Variants in VPS13B observed in about 807,000 individuals in gnomAD.
VPS13B encodes the protein vacuolar protein sorting 13 homolog B.
A neutral mutation model predicts 426.4 loss-of-function variants in VPS13B; 285 were observed. The observed-to-expected ratio is 0.67, with a 90% CI of 0.61 to 0.74. VPS13B has a LOEUF of 0.74. Ranked by LOEUF, VPS13B falls within the 30% of genes least tolerant of loss-of-function variation. The pLI is 0.00. For synonymous variants in VPS13B, 1,676 were observed against 1,676.4 expected (o/e 1.00, Z 0.01); for missense variants, 4,537 against 4,782.6 (o/e 0.95, Z 1.51).
At chr8:99,096,267 A>T in intron 3 of VPS13B, 45 bp from the exon 4 acceptor site, 1 of 1,610,468 alleles carries the variant, frequency 6.2e-7, no homozygotes, top group Non-Finnish European at 8.5e-7. Context: ...TTAATTCTTG[A>T]GTATGATCGA....
At chr8:99,178,820 G>A (rs961564602) in intron 16 of VPS13B, among the ~76,000 whole-genome samples, 1 of 151,616 alleles carries the variant, frequency 6.6e-6, no homozygotes, top group African/African-American at 2.4e-5. Flanking sequence ...TGGGGTTTCC[G>A]CATGTTGGCC....
intron 39 of VPS13B, among the ~76,000 whole-genome samples, chr8:99,722,363 A>G (rs977698459): frequency 6.6e-6 from 1 of 152,162 alleles, no homozygotes; most frequent in Non-Finnish European, 1.5e-5. Context: ...AGCTCCTTAT[A>G]TGTCTTGATG....
chr8:99,369,034 C>G (rs1005537313), intron 19 of VPS13B, among the ~76,000 whole-genome samples: 4 of 152,168 alleles, frequency 2.6e-5, no homozygotes, highest in Admixed American at 6.5e-5. Context: ...TTCTTTAGGA[C>G]TCTGCTTAAA....
In VPS13B at chr8:99,868,464, T is replaced by C. The variant is rs1467186019; in HGVS notation, c.11391T>C (p.Tyr3797=). ...GAAELVSQTG[Y]GILHGAGLSQ... ...CTGAGCTGGTGTCACAGACTGGCTA[T>C]GGTAAGTCGGTGGAAAACCCATCAG... The change falls in exon 59 of 62, where the codon TAT becomes TAC. Residue 3797 remains tyrosine (Y), a splice_region_variant and synonymous_variant. Coordinates refer to ENST00000357162, the MANE Select transcript of VPS13B (RefSeq NM_152564.5). The C allele has an allele frequency of 6.2e-6, 10 of 1,609,624 alleles. No homozygotes were observed. In the East Asian group the frequency reaches 2.0e-4, roughly 32 times the overall value.
chr8:99,389,905 C>T (rs180857150), intron 20 of VPS13B, among the ~76,000 whole-genome samples: 1 of 151,972 alleles, frequency 6.6e-6, no homozygotes, highest in Non-Finnish European at 1.5e-5. Context: ...AGTCCACCCC[C>T]CCTCCTTATG....
chr8:99,027,622 T>G (rs192572491), intron 2 of VPS13B, among the ~76,000 whole-genome samples: 1 of 152,186 alleles, frequency 6.6e-6, no homozygotes, highest in African/African-American at 2.4e-5. Flanking sequence ...TTACTAGATA[T>G]GGTAATCTTG....
intron 19 of VPS13B, among the ~76,000 whole-genome samples, chr8:99,333,400 C>T (rs1160870568): frequency 6.6e-6 from 1 of 151,690 alleles, no homozygotes; most frequent in Non-Finnish European, 1.5e-5. Flanking sequence ...GTATCTTCTT[C>T]TCAGTTTTCC....
intron 45 of VPS13B, among the ~76,000 whole-genome samples, 172 bp from the exon 46 acceptor site, chr8:99,818,279 A>G (rs1051906612): frequency 1.2e-4 from 18 of 151,984 alleles, no homozygotes; most frequent in African/African-American, 4.4e-4. Context: ...CTCACTGCAC[A>G]TTTGCTTTCT....
chr8:99,400,923 C>T (rs936545386), intron 21 of VPS13B, among the ~76,000 whole-genome samples: 5 of 152,192 alleles, frequency 3.3e-5, no homozygotes, highest in Admixed American at 3.3e-4. Context: ...CCGTCCATCT[C>T]GGCCTCCCAA....
chr8:99,289,139 C>CTT (rs1686248099), intron 19 of VPS13B, among the ~76,000 whole-genome samples: 3 of 151,870 alleles, frequency 2.0e-5, no homozygotes, highest in Non-Finnish European at 2.9e-5. Flanking sequence ...CTCATGAAAT[C>CTT]TTTTTTTGTT....
At chr8:99,031,761 G>T (rs984929820) in intron 2 of VPS13B, among the ~76,000 whole-genome samples, 1 of 152,188 alleles carries the variant, frequency 6.6e-6, no homozygotes, top group Non-Finnish European at 1.5e-5. Context: ...TGCTAGGCAG[G>T]CTGGTCCTTA....
intron 19 of VPS13B, among the ~76,000 whole-genome samples, chr8:99,366,644 GT>G (rs1321375475): frequency 2.0e-5 from 3 of 148,658 alleles, no homozygotes; most frequent in African/African-American, 7.4e-5. Context: ...GTTTCTTATT[GT>G]TTTCTCAATT....
intron 17 of VPS13B, among the ~76,000 whole-genome samples, chr8:99,195,764 C>G (rs1306249374): frequency 6.6e-6 from 1 of 152,174 alleles, no homozygotes; most frequent in Non-Finnish European, 1.5e-5. Context: ...GATTCAATCT[C>G]ATTGTTCTGC....
At chr8:99,867,813 A>C (rs866955228) in intron 58 of VPS13B, among the ~76,000 whole-genome samples, 2 of 152,354 alleles carry the variant, frequency 1.3e-5, no homozygotes, top group Non-Finnish European at 2.9e-5. Flanking sequence ...TTAAGTATTA[A>C]TACTACTAAA....
chr8:99,227,584 C>CT (rs924247081), intron 17 of VPS13B, among the ~76,000 whole-genome samples: 19 of 151,472 alleles, frequency 1.3e-4, no homozygotes, highest in Non-Finnish European at 2.5e-4. Flanking sequence ...AAATGAGGTG[C>CT]TTTTTTTTGG....
At chr8:99,840,612 T>C (rs774130609) in intron 54 of VPS13B, among the ~76,000 whole-genome samples, 2 of 152,324 alleles carry the variant, frequency 1.3e-5, no homozygotes, top group South Asian at 4.1e-4. Context: ...ATCTAGCCCA[T>C]GTTTCTTAAA....
At chr8:99,485,800 G>A (rs1466699453) in intron 25 of VPS13B, among the ~76,000 whole-genome samples, 1 of 152,092 alleles carries the variant, frequency 6.6e-6, no homozygotes, top group Non-Finnish European at 1.5e-5. Context: ...GAAGCATAAA[G>A]GCTTTTGAAT....
chr8:99,597,200 C>G (rs911644297), intron 33 of VPS13B, among the ~76,000 whole-genome samples: 5 of 151,900 alleles, frequency 3.3e-5, no homozygotes, highest in Non-Finnish European at 5.9e-5. Context: ...ATAGGGTCGC[C>G]CTGTGACACT....
At chr8:99,017,725 T>C (rs1236976676) in intron 2 of VPS13B, among the ~76,000 whole-genome samples, 2 of 152,110 alleles carry the variant, frequency 1.3e-5, no homozygotes, top group African/African-American at 4.8e-5. Context: ...ACTCCTGAGC[T>C]CAGGTGATCC....
Sources: allele counts gnomAD v4.1 joint callset (sites outside exome capture counted in the v4.1 genomes callset), GRCh38; gene constraint gnomAD v4.1.1; transcripts MANE v1.5; gene names NCBI Gene and HGNC (gene_info 2026-07-23, HGNC 2026-07-21).